SLC38A1: variants seen among roughly 807,000 people sequenced by gnomAD.
The protein encoded by SLC38A1 is sodium-coupled neutral amino acid symporter 1.
A neutral mutation model predicts 60.3 loss-of-function variants in SLC38A1; 18 were observed. The observed-to-expected ratio is 0.30, with a 90% CI of 0.21 to 0.44. The LOEUF (loss-of-function observed/expected upper bound fraction) is 0.44, where lower values mean the gene tolerates loss of function less well. Ranked by LOEUF, SLC38A1 falls within the 20% of genes least tolerant of loss-of-function variation. The pLI is 1.00. For missense variants in SLC38A1, 448 were observed against 587.2 expected (o/e 0.76, Z 2.45); for synonymous variants, 196 against 212.1 (o/e 0.92, Z 0.66).
chr12:46,227,633 CA>C (rs1477851575), intron 5 of SLC38A1, among the ~76,000 whole-genome samples: 3 of 152,134 alleles, frequency 2.0e-5, no homozygotes, highest in Admixed American at 1.3e-4. Flanking sequence ...TATAACTTGA[CA>C]TATTGCAATA....
At chr12:46,189,223 C>T in intron 16 of SLC38A1, 152 bp from the exon 17 acceptor site, 1 of 560,232 alleles carries the variant, frequency 1.8e-6, no homozygotes, top group Admixed American at 3.0e-5. Context: ...GAGAATCTTT[C>T]TAAAATTTTA....
intron 1 of SLC38A1, among the ~76,000 whole-genome samples, chr12:46,252,393 G>A (rs1043092976): frequency 6.6e-6 from 1 of 151,942 alleles, no homozygotes; most frequent in African/African-American, 2.4e-5. Context: ...TGTAAATGAC[G>A]AATTAATGGG....
At chr12:46,215,862 G>T (rs1940389408) in intron 5 of SLC38A1, among the ~76,000 whole-genome samples, 1 of 152,112 alleles carries the variant, frequency 6.6e-6, no homozygotes, top group Admixed American at 6.5e-5. Flanking sequence ...TTGAGCTGGG[G>T]TAAAAGTGGT....
chr12:46,201,912 G>A (rs1052643297), intron 12 of SLC38A1, among the ~76,000 whole-genome samples: 3 of 150,490 alleles, frequency 2.0e-5, no homozygotes, highest in Admixed American at 6.7e-5. Context: ...GGAGAAGTAG[G>A]CCCCGCGCGG....
Position 46,183,813 on chromosome 12 carries a change from T to G in SLC38A1, c.*5157A>C, listed in dbSNP as rs1361360383. ...CAGACATTTCTTTCTCTAAATTAAG[T>G]AGGGTTTCAGGTTCCAAGTTTACAT... is the stretch of plus-strand genomic sequence containing the variant. On this transcript the variant is annotated 3_prime_UTR_variant, in exon 17 of 17. Coordinates refer to ENST00000398637, the MANE Select transcript of SLC38A1 (RefSeq NM_030674.4). 6.6e-6 allele frequency: 1 copy of G among 152,230 alleles called. No individual in the cohort carries two copies. Among genetic ancestry groups the G allele is most frequent in the Non-Finnish European group, 1.5e-5 (1 of 68,032 alleles). 9.4% of individuals were successfully genotyped at this position (152,230 alleles called of 1,614,324 possible). A position where few individuals can be genotyped will look rare whatever the true frequency, so the allele number is the denominator to read the frequency against.
rs1005467362 is a variant in SLC38A1 at position 46,268,903 on chromosome 12, CA to C, written c.-587del. The C allele has an allele frequency of 2.0e-5, 9 of 455,842 alleles. No homozygotes were observed. Among genetic ancestry groups the C allele is most frequent in the African/African-American group, 1.8e-4 (9 of 50,070 alleles). The allele number at this position is 455,842 out of a possible 1,614,324, so 28.2% of individuals were successfully genotyped here. A position where few individuals can be genotyped will look rare whatever the true frequency, so the allele number is the denominator to read the frequency against. ...GGCGCTGAGGGTCACGAATCGGAGT[CA>C]TTCTCCTACTGGGGGACGCGTGGCC... is the stretch of plus-strand genomic sequence containing the variant. On this transcript the variant is annotated 5_prime_UTR_variant, in exon 1 of 17. An upstream start codon of the reference 5' UTR is lost. Coordinates refer to ENST00000398637, the MANE Select transcript of SLC38A1 (RefSeq NM_030674.4). The surrounding 1 kb of genome is among the most constrained non-coding windows in gnomAD (Gnocchi z 4.4).
chr12:46,217,129 G>A (rs750330690), intron 5 of SLC38A1, among the ~76,000 whole-genome samples: 1 of 152,074 alleles, frequency 6.6e-6, no homozygotes, highest in Non-Finnish European at 1.5e-5. Flanking sequence ...CCCTTTCTAA[G>A]CACTTTTTAA....
intron 1 of SLC38A1, among the ~76,000 whole-genome samples, chr12:46,259,712 G>A (rs1942141112): frequency 6.6e-6 from 1 of 152,088 alleles, no homozygotes; most frequent in Non-Finnish European, 1.5e-5. Context: ...CTCTCTTCTT[G>A]CCCAAGACTA....
rs1939741002 is a variant in SLC38A1 at position 46,203,232 on chromosome 12, T to C, written c.823-143A>G. 5.8e-6 allele frequency: 4 copies of C among 691,878 alleles called. No individual in the cohort carries two copies. The South Asian group carries it at 6.1e-5, about 11-fold the overall frequency. 42.9% of individuals were successfully genotyped at this position (691,878 alleles called of 1,614,324 possible). The stretch of plus-strand genomic sequence containing the variant: ...CGGTTATTAGGGAGGTTTTGATCTC[T>C]AAAGTAGAAGCAGCTTTTCTAAGAC... On this transcript the variant is annotated intron_variant, in intron 11 of 16. Coordinates refer to ENST00000398637, the MANE Select transcript of SLC38A1 (RefSeq NM_030674.4).
At chr12:46,202,689 C>T (rs775529770) in intron 12 of SLC38A1, among the ~76,000 whole-genome samples, 10 of 152,118 alleles carry the variant, frequency 6.6e-5, no homozygotes, top group Admixed American at 1.3e-4. Context: ...AATACGCATA[C>T]GTAATGGAAA....
chr12:46,203,990 C>T (rs1428470422), intron 11 of SLC38A1, among the ~76,000 whole-genome samples: 1 of 152,150 alleles, frequency 6.6e-6, no homozygotes, highest in Non-Finnish European at 1.5e-5. Context: ...TTTCTGTCAT[C>T]GCCAGAAGAA....
chr12:46,219,329 A>T (rs899465310), intron 5 of SLC38A1, among the ~76,000 whole-genome samples: 6 of 152,328 alleles, frequency 3.9e-5, no homozygotes, highest in Admixed American at 3.9e-4. Flanking sequence ...CAGTTTCTTT[A>T]TCTATAAAAT....
chr12:46,234,593 G>A (rs1239618062), intron 3 of SLC38A1, among the ~76,000 whole-genome samples: 2 of 151,830 alleles, frequency 1.3e-5, no homozygotes, highest in Admixed American at 6.6e-5. Flanking sequence ...GACCACAGGC[G>A]CCCGCCACCG....
At chr12:46,247,410 C>T (rs1233349008) in intron 1 of SLC38A1, among the ~76,000 whole-genome samples, 4 of 151,902 alleles carry the variant, frequency 2.6e-5, no homozygotes, top group African/African-American at 7.3e-5. Flanking sequence ...ACAGCCAATT[C>T]GATCAAGTGG....
At chr12:46,201,419 TC>T (rs745470699) in intron 12 of SLC38A1, among the ~76,000 whole-genome samples, 5 of 152,196 alleles carry the variant, frequency 3.3e-5, no homozygotes, top group African/African-American at 4.8e-5. Flanking sequence ...TTAGCGTTCT[TC>T]CCCATTCTTT....
intron 1 of SLC38A1, among the ~76,000 whole-genome samples, chr12:46,262,204 T>C (rs1942218729): frequency 6.6e-6 from 1 of 152,254 alleles, no homozygotes; most frequent in Admixed American, 6.5e-5. Flanking sequence ...AGTTCCCATA[T>C]GATCTTTTAA....
At chr12:46,241,122 T>C (rs573719779) in intron 2 of SLC38A1, among the ~76,000 whole-genome samples, 65 of 152,232 alleles carry the variant, frequency 4.3e-4, no homozygotes, top group Non-Finnish European at 8.7e-4. Context: ...ATGGGGACCA[T>C]GGAATCAAGC....
At chr12:46,223,866 A>G (rs10880941) in intron 5 of SLC38A1, among the ~76,000 whole-genome samples, 25,318 of 152,190 alleles carry the variant, frequency 0.17, 3,442 homozygotes, top group East Asian at 0.46. Flanking sequence ...TGGAAAAATA[A>G]AAAGCATTTA....
At position 46,189,056 on chromosome 12, in the gene SLC38A1, C is replaced by A. The variant is rs771617209; in HGVS notation, c.1378G>T (p.Gly460Cys). The A allele has an allele frequency of 6.2e-7, 1 of 1,613,280 alleles. No homozygotes were observed. Among genetic ancestry groups the A allele is most frequent in the Non-Finnish European group, 8.5e-7 (1 of 1,179,698 alleles). Residue 460 changes from glycine to cysteine, a missense_variant, in exon 17 of 17, where the codon GGC becomes TGC. By Grantham distance (159) the Gly-to-Cys change is radical. Coordinates refer to ENST00000398637, the MANE Select transcript of SLC38A1 (RefSeq NM_030674.4). ...TQRIWAALFL[G>C]LGVLFSLVSI... ...ACCAAGGAGAACAACACCCCCAGGCCCAAGAAAAGGGCAGCCTGGAGCAAG... is the reference window on the plus strand; with the variant it reads ...ACCAAGGAGAACAACACCCCCAGGCACAAGAAAAGGGCAGCCTGGAGCAAG...
Sources: gnomAD v4.1 joint callset for allele counts (sites outside exome capture counted in the v4.1 genomes callset) on GRCh38, gnomAD v4.1.1 for gene constraint, Gnocchi (gnomAD v3.1) non-coding constraint, MANE v1.5 for transcripts, NCBI Gene and HGNC (gene_info 2026-07-23, HGNC 2026-07-21) for gene names.